The following DGCR2 variants were observed in gnomAD, a reference collection of about 807,000 sequenced individuals.
The protein encoded by DGCR2 is integral membrane protein DGCR2/IDD.
In DGCR2, 24 loss-of-function variants were observed where a neutral mutation model predicts 51.6. The ratio of observed to expected loss-of-function variants is 0.47; its 90% CI spans 0.34 to 0.65. DGCR2 has a LOEUF of 0.65. DGCR2 is among the 30% of genes least tolerant of loss of function. The probability of loss-of-function intolerance (pLI) is 0.01; values close to 1 mark genes in which losing one functional copy is unlikely to be tolerated. For missense variants in DGCR2, 765 were observed against 772.1 expected (o/e 0.99, Z 0.11); for synonymous variants, 340 against 315.4 (o/e 1.08, Z -0.82).
chr22:19,038,811 T>A lies in DGCR2; in HGVS notation c.*54A>T. The A allele has an allele frequency of 6.3e-7, 1 of 1,581,048 alleles. No homozygotes were observed. Among genetic ancestry groups the A allele is most frequent in the Non-Finnish European group, 8.6e-7 (1 of 1,160,332 alleles). On this transcript the variant is annotated 3_prime_UTR_variant, in exon 10 of 10. Transcript: ENST00000263196. ...CCTTTCAAGTCTCCCCAGGGACCGG[T>A]GTTTTCTACAACAGACAGGTGCTCC... is the stretch of plus-strand genomic sequence containing the variant.
chr22:19,083,595 C>T (rs1268432913), intron 2 of DGCR2, among the ~76,000 whole-genome samples: 1 of 152,156 alleles, frequency 6.6e-6, no homozygotes, highest in Non-Finnish European at 1.5e-5. Flanking sequence ...TTTAATGTCT[C>T]TTAATAAAAC....
At chr22:19,052,414 T>TCACACACACACACA (rs34670843) in intron 6 of DGCR2, among the ~76,000 whole-genome samples, 34 of 148,666 alleles carry the variant, frequency 2.3e-4, no homozygotes, top group African/African-American at 7.4e-4. Context: ...AGACTCTGTC[T>TCACACACACACACA]CACACACACA....
chr22:19,094,827 G>A (rs565763482), intron 1 of DGCR2, among the ~76,000 whole-genome samples: 9 of 152,284 alleles, frequency 5.9e-5, no homozygotes, highest in South Asian at 4.1e-4. Context: ...AACACATTCC[G>A]CAGCATGGAT....
At position 19,041,250 on chromosome 22, in the gene DGCR2, C is replaced by T. The variant is rs1569034588; in HGVS notation, c.1204G>A (p.Gly402Ser). The T allele has an allele frequency of 3.7e-6, 6 of 1,614,112 alleles. No individual in the cohort carries two copies. The highest frequency in any genetic ancestry group is 1.1e-5 in the South Asian group (1 of 91,092). Residue 402 changes from glycine to serine, a missense_variant, in exon 9 of 10, where the codon GGC becomes AGC. Gly to Ser is a moderately conservative substitution (Grantham distance 56, BLOSUM62 0). This residue lies in a region of DGCR2 where 190 missense variants were observed against 265.2 expected (regional missense o/e 0.72). Coordinates refer to ENST00000263196, the MANE Select transcript of DGCR2 (RefSeq NM_005137.3). The stretch of plus-strand genomic sequence containing the variant: ...AGGCCCGTGCCAAACCCGTCTGGGC[C>T]GTAATCAAAGCCAGGGATCCTGCGG... ...LGRRIPGFDYGPDGFGTGLTP... is the reference protein window; with the variant it reads ...LGRRIPGFDYSPDGFGTGLTP...
At chr22:19,117,997 G>A (rs147741441) in intron 1 of DGCR2, among the ~76,000 whole-genome samples, 3 of 152,156 alleles carry the variant, frequency 2.0e-5, no homozygotes, top group East Asian at 1.9e-4. Flanking sequence ...TCTGAACCTC[G>A]GTCACTTTTC....
At chr22:19,072,818 G>A (rs1167577579) in intron 2 of DGCR2, among the ~76,000 whole-genome samples, 2 of 152,192 alleles carry the variant, frequency 1.3e-5, no homozygotes, top group Non-Finnish European at 1.5e-5. Context: ...AGGTTGCAGT[G>A]AGTGGAGATC....
chr22:19,109,010 G>C (rs1177607449), intron 1 of DGCR2, among the ~76,000 whole-genome samples: 1 of 151,876 alleles, frequency 6.6e-6, no homozygotes, highest in Middle Eastern at 3.2e-3. Context: ...CAGCCTGGAT[G>C]ACAGAGCGAA....
intron 7 of DGCR2, among the ~76,000 whole-genome samples, chr22:19,044,377 C>G (rs184934573): frequency 1.3e-4 from 20 of 152,328 alleles, no homozygotes; most frequent in Admixed American, 9.8e-4. Context: ...AAGAAGAGCT[C>G]CAGTGACAAG....
At chr22:19,040,984 G>A in intron 9 of DGCR2, 74 bp downstream of exon 9, 1 of 1,344,300 alleles carries the variant, frequency 7.4e-7, no homozygotes, top group Non-Finnish European at 1.0e-6. Context: ...CTGCAGCTGG[G>A]CAAGAGTGCT....
Position 19,057,167 on chromosome 22 carries a change from T to C in DGCR2, c.626-5A>G. ...GCAGGAACACCTCTGAAGAGCCTGT[T>C]GGGGAGACAAAAGGTGGGGCTGGAC... On this transcript the variant is annotated splice_region_variant and splice_polypyrimidine_tract_variant and intron_variant, in intron 5 of 9. Coordinates refer to ENST00000263196, the MANE Select transcript of DGCR2 (RefSeq NM_005137.3). This position sits in a 1 kb window ranked among gnomAD's most constrained non-coding sequence, Gnocchi z 5.1. 6.3e-7 allele frequency: 1 copy of C among 1,597,968 alleles called. No individual in the cohort carries two copies. The highest frequency in any genetic ancestry group is 1.1e-5 in the South Asian group (1 of 88,172).
chr22:19,087,140 CAG>C (rs1410041158), intron 2 of DGCR2, among the ~76,000 whole-genome samples: 26 of 152,180 alleles, frequency 1.7e-4, no homozygotes, highest in African/African-American at 5.8e-4. Context: ...TGGTCGTCCC[CAG>C]GCTGACCAAC....
rs1388723008 is a variant in DGCR2, at chr22:19,057,015, T to A, written c.773A>T (p.Tyr258Phe). 6.3e-7 allele frequency: 1 copy of A among 1,592,760 alleles called. No homozygotes were observed. The highest frequency in any genetic ancestry group is 2.3e-5 in the East Asian group (1 of 44,298). The change falls in exon 6 of 10, where the codon TAC becomes TTC. Residue 258 changes from tyrosine (Y) to phenylalanine (F), a missense_variant. By Grantham distance (22) the Tyr-to-Phe change is conservative. This residue lies in a region of DGCR2 where 190 missense variants were observed against 265.2 expected (regional missense o/e 0.72). Coordinates refer to ENST00000263196, the MANE Select transcript of DGCR2 (RefSeq NM_005137.3). This position sits in a 1 kb window ranked among gnomAD's most constrained non-coding sequence, Gnocchi z 5.1. ...DLHSWHAESC[Y>F]EKSSFLCKRS... ...TTTACACAGAAATGAAGACTTCTCGTAGCAGCTCTCGGCGTGCCAGCTGTG... is the reference window on the plus strand; with the variant it reads ...TTTACACAGAAATGAAGACTTCTCGAAGCAGCTCTCGGCGTGCCAGCTGTG...
chr22:19,059,795 G>C (rs1601526836), intron 5 of DGCR2, among the ~76,000 whole-genome samples: 2 of 152,246 alleles, frequency 1.3e-5, no homozygotes, highest in African/African-American at 4.8e-5. Context: ...ATCTGAACCT[G>C]ATTACCTCTG....
intron 9 of DGCR2, 122 bp downstream of exon 9, chr22:19,040,936 C>G: frequency 1.1e-6 from 1 of 936,302 alleles, no homozygotes; most frequent in African/African-American, 1.7e-5. Flanking sequence ...AAGGAAAAAC[C>G]AAAGACAAAG....
chr22:19,058,135 G>C (rs1022144433), intron 5 of DGCR2, among the ~76,000 whole-genome samples: 1 of 152,158 alleles, frequency 6.6e-6, no homozygotes, highest in Non-Finnish European at 1.5e-5. Context: ...TACCCAGCAC[G>C]AAACATGGGG....
intron 7 of DGCR2, among the ~76,000 whole-genome samples, chr22:19,043,370 G>A (rs1355579045): frequency 1.3e-5 from 2 of 152,222 alleles, no homozygotes; most frequent in East Asian, 1.9e-4. Context: ...GGGGACAGGG[G>A]CTCGATATGA....
At chr22:19,086,517 A>T (rs1208038682) in intron 2 of DGCR2, among the ~76,000 whole-genome samples, 2 of 152,036 alleles carry the variant, frequency 1.3e-5, no homozygotes, top group African/African-American at 2.4e-5. Flanking sequence ...CACCCTCCAG[A>T]CTGTGACACA....
rs538131718 is a variant in DGCR2 at position 19,057,020 on chromosome 22, G to A, written c.768C>T (p.Ser256=). The part of the protein sequence containing the change: ...HHDLHSWHAE[S]CYEKSSFLCK... ...ACAGAAATGAAGACTTCTCGTAGCA[G>A]CTCTCGGCGTGCCAGCTGTGGAGGT... The change falls in exon 6 of 10, where the codon AGC becomes AGT. Residue 256 remains serine (S), a synonymous_variant. Transcript: ENST00000263196. This position sits in a 1 kb window ranked among gnomAD's most constrained non-coding sequence, Gnocchi z 5.1. The A allele has an allele frequency of 4.0e-5, 64 of 1,593,878 alleles. 1 individual carries two copies. The South Asian group carries it at 7.1e-4, about 18-fold the overall frequency.
intron 5 of DGCR2, chr22:19,060,895 A>C: frequency 1.9e-6 from 1 of 516,200 alleles, no homozygotes; most frequent in African/African-American, 1.9e-5. Context: ...ATGTGTGTGC[A>C]GGGTACCGAC....
Sources: gnomAD v4.1 joint callset for allele counts (sites outside exome capture counted in the v4.1 genomes callset) on GRCh38, gnomAD v4.1.1 for gene constraint, gnomAD v4.1.1 regional missense constraint, Gnocchi (gnomAD v3.1) non-coding constraint, MANE v1.5 for transcripts, NCBI Gene and HGNC (gene_info 2026-07-23, HGNC 2026-07-21) for gene names.